SYCP2: variants seen among roughly 807,000 people sequenced by gnomAD.
SYCP2 encodes the protein synaptonemal complex protein 2, also known as synaptonemal complex lateral element protein.
A neutral mutation model predicts 211.3 loss-of-function variants in SYCP2; 55 were observed. That is an observed-to-expected ratio of 0.26 (90% CI 0.21 to 0.33). SYCP2 has a LOEUF of 0.33. Among genes scored for constraint, SYCP2 ranks in the 10% least tolerant of loss-of-function variants. The pLI is 1.00. For missense variants in SYCP2, 1,731 were observed against 1,752.0 expected (o/e 0.99, Z 0.21); for synonymous variants, 570 against 555.2 (o/e 1.03, Z -0.37).
chr20:59,869,150 T>TC (rs765981789), intron 36 of SYCP2, among the ~76,000 whole-genome samples: 3 of 151,754 alleles, frequency 2.0e-5, no homozygotes, highest in Non-Finnish European at 4.4e-5. Context: ...TACTTTTTTT[T>TC]CTATTCCTGC....
chr20:59,924,826 G>A (rs2060605361), intron 2 of SYCP2, among the ~76,000 whole-genome samples: 1 of 151,968 alleles, frequency 6.6e-6, no homozygotes, highest in South Asian at 2.1e-4. Flanking sequence ...GTACTGAAAA[G>A]AGAATCCAGA....
rs1186951984 is a variant in SYCP2, at chr20:59,873,847, C to T, written c.3555+9G>A. ...TCTGATAAAGAGAAAAATATATATA[C>T]ATTCTCACCAAAAACAGTGGTCGTG... On this transcript the variant is annotated intron_variant, in intron 35 of 44. Coordinates refer to ENST00000357552, the MANE Select transcript of SYCP2 (RefSeq NM_014258.4). 7 of 1,595,688 alleles carry T rather than the reference C, an allele frequency of 4.4e-6. No individual in the cohort carries two copies. In the South Asian group the frequency reaches 6.8e-5, roughly 16 times the overall value.
chr20:59,880,958 T>C lies in SYCP2; in HGVS notation c.2772+8A>G. On this transcript the variant is annotated splice_region_variant and intron_variant, in intron 30 of 44. Transcript: ENST00000357552. Reference sequence around the variant, plus strand: ...TTCTAATAGACATATTGAGATATTATAACTTACTTTTTTATCTTTTGTTTT... The same window carrying C: ...TTCTAATAGACATATTGAGATATTACAACTTACTTTTTTATCTTTTGTTTT... 1 of 1,367,008 alleles carries C rather than the reference T, an allele frequency of 7.3e-7. No individual in the cohort carries two copies. Among genetic ancestry groups the C allele is most frequent in the Non-Finnish European group, 1.0e-6 (1 of 984,352 alleles). 84.7% of individuals were successfully genotyped at this position (1,367,008 alleles called of 1,614,324 possible).
intron 42 of SYCP2, 56 bp from the exon 43 acceptor site, chr20:59,865,707 G>T (rs1957014569): frequency 4.1e-6 from 5 of 1,220,892 alleles, no homozygotes; most frequent in Non-Finnish European, 4.6e-6. Flanking sequence ...AAATTAGAGT[G>T]CTATAATATA....
At chr20:59,887,714 TAAG>T (rs906959292) in intron 24 of SYCP2, among the ~76,000 whole-genome samples, 2 of 150,758 alleles carry the variant, frequency 1.3e-5, no homozygotes, top group Non-Finnish European at 3.0e-5. Context: ...TTTCTGCCCA[TAAG>T]AATAAAAAAC....
rs755625531 is a variant in SYCP2, at chr20:59,893,145, G to C, written c.1790C>G (p.Thr597Ser). ...DSQAAEKRDH[T>S]ILPGVLDNIC... is the part of the protein sequence containing the mutation. ...TTGATGGTTTTCTCATACTTACATAGTATGATCTCTTTTTTCCGCTGCCTG... is the reference window on the plus strand; with the variant it reads ...TTGATGGTTTTCTCATACTTACATACTATGATCTCTTTTTTCCGCTGCCTG... Residue 597 changes from threonine (T) to serine (S), a missense_variant, in exon 22 of 45, where the codon ACT becomes AGT. Thr to Ser is a moderately conservative substitution (Grantham distance 58). This residue lies in a region of SYCP2 where 1,387 missense variants were observed against 1,351.3 expected (regional missense o/e 1.03). Transcript: ENST00000357552. The C allele has an allele frequency of 2.5e-6, 4 of 1,597,616 alleles. No homozygotes were observed. The highest frequency in any genetic ancestry group is 3.4e-6 in the Non-Finnish European group (4 of 1,168,838).
intron 2 of SYCP2, 122 bp from the exon 3 acceptor site, chr20:59,922,581 C>A: frequency 2.2e-6 from 1 of 462,130 alleles, no homozygotes; most frequent in Non-Finnish European, 3.8e-6. Flanking sequence ...TTAACTTCCT[C>A]ACTAAACACC....
chr20:59,877,861 A>T, intron 32 of SYCP2, 147 bp downstream of exon 32: 1 of 661,078 alleles, frequency 1.5e-6, no homozygotes, highest in Non-Finnish European at 2.5e-6. Context: ...ATTTAAAAAG[A>T]AACAGGAGAA....
At chr20:59,893,743 C>T (rs1006404999) in intron 20 of SYCP2, 150 bp from the exon 21 acceptor site, 6 of 525,308 alleles carry the variant, frequency 1.1e-5, no homozygotes, top group Non-Finnish European at 2.0e-5. Context: ...ACGTTATGCC[C>T]GTTTTTGAAT....
chr20:59,887,659 G>GTTGTTT (rs370895209), intron 24 of SYCP2, among the ~76,000 whole-genome samples: 2,948 of 152,156 alleles, frequency 0.019, 42 homozygotes, highest in Middle Eastern at 0.041. Flanking sequence ...TCCAGCACCT[G>GTTGTTT]TTAACAGAAC....
chr20:59,899,683 T>G (rs1359840486), intron 18 of SYCP2, among the ~76,000 whole-genome samples: 2 of 152,106 alleles, frequency 1.3e-5, no homozygotes, highest in African/African-American at 4.8e-5. Context: ...CACAGCAAGG[T>G]ATGGTGGTAG....
Position 59,868,423 on chromosome 20 carries a change from A to G in SYCP2, c.3978T>C (p.His1326=). ...TACTGATCTACCTACTTTTGTGGAT[A>G]TGATGATCTGCATCTTCAATTTTAC... is the stretch of plus-strand genomic sequence containing the variant. ...KLCKIEDADH[H]IHKMSESVSS... is the part of the protein sequence containing the mutation. Residue 1326 remains histidine (H), a synonymous_variant, in exon 38 of 45, where the codon CAT becomes CAC. Transcript: ENST00000357552. The G allele has an allele frequency of 1.2e-6, 2 of 1,610,016 alleles. No individual in the cohort carries two copies. Among genetic ancestry groups the G allele is most frequent in the South Asian group, 2.2e-5 (2 of 90,610 alleles).
chr20:59,895,814 T>C (rs889243783), intron 19 of SYCP2, among the ~76,000 whole-genome samples: 1 of 152,028 alleles, frequency 6.6e-6, no homozygotes, highest in Admixed American at 6.6e-5. Context: ...TTTGGACCTA[T>C]TACATTTGGG....
At chr20:59,909,892 C>G (rs1168519811) in intron 14 of SYCP2, among the ~76,000 whole-genome samples, 1 of 152,082 alleles carries the variant, frequency 6.6e-6, no homozygotes, top group African/African-American at 2.4e-5. Context: ...ATTGAGTAAC[C>G]TGAGAATACT....
At chr20:59,927,706 A>T (rs908627933) in intron 2 of SYCP2, among the ~76,000 whole-genome samples, 3 of 152,126 alleles carry the variant, frequency 2.0e-5, no homozygotes, top group Non-Finnish European at 4.4e-5. Flanking sequence ...AGAAAGACTG[A>T]GTATACCATC....
chr20:59,870,080 A>G (rs1026616917), intron 35 of SYCP2, 97 bp from the exon 36 acceptor site: 1 of 705,226 alleles, frequency 1.4e-6, no homozygotes, highest in Admixed American at 3.2e-5. Flanking sequence ...CATTAAAGCA[A>G]AACTGCAAAA....
At chr20:59,922,955 A>T (rs184388113) in intron 2 of SYCP2, among the ~76,000 whole-genome samples, 1 of 152,072 alleles carries the variant, frequency 6.6e-6, no homozygotes, top group Non-Finnish European at 1.5e-5. Context: ...TCATATGTCC[A>T]CAAGAGTGTT....
chr20:59,891,855 G>A lies in SYCP2; in HGVS notation c.2364+135C>T, dbSNP rs1205803459. On this transcript the variant is annotated intron_variant, in intron 24 of 44. Coordinates refer to ENST00000357552, the MANE Select transcript of SYCP2 (RefSeq NM_014258.4). Reference sequence around the variant, plus strand: ...AAGGGAGAGGTGAGTGAGGAATTCTGAGAGTCTGGGCACTGAATTAAACAA... The same window carrying A: ...AAGGGAGAGGTGAGTGAGGAATTCTAAGAGTCTGGGCACTGAATTAAACAA... The A allele has an allele frequency of 5.5e-6, 4 of 730,242 alleles. No individual in the cohort carries two copies. In the South Asian group the frequency reaches 6.4e-5, roughly 12 times the overall value. The allele number at this position is 730,242 out of a possible 1,614,324, so 45.2% of individuals were successfully genotyped here.
At chr20:59,878,122 G>C in intron 31 of SYCP2, 77 bp from the exon 32 acceptor site, 1 of 965,716 alleles carries the variant, frequency 1.0e-6, no homozygotes, top group Non-Finnish European at 1.6e-6. Context: ...CATCATTTCA[G>C]CATATTTAAA....
Sources: gnomAD v4.1 joint callset for allele counts (sites outside exome capture counted in the v4.1 genomes callset) on GRCh38, gnomAD v4.1.1 for gene constraint, gnomAD v4.1.1 regional missense constraint, MANE v1.5 for transcripts, NCBI Gene and HGNC (gene_info 2026-07-23, HGNC 2026-07-21) for gene names.